TBC1D12: variants seen among roughly 807,000 people sequenced by gnomAD.
TBC1D12 encodes the protein TBC1 domain family, member 12.
TBC1D12 carries 56 observed loss-of-function variants against 86.7 expected under a neutral mutation model. The ratio of observed to expected loss-of-function variants is 0.65; its 90% CI spans 0.52 to 0.81. The LOEUF is 0.81. TBC1D12 is among the 30% of genes least tolerant of loss of function. The pLI, the probability that TBC1D12 is intolerant of heterozygous loss-of-function variation, is 0.00. For missense variants in TBC1D12, 1,023 were observed against 1,038.8 expected (o/e 0.98, Z 0.21); for synonymous variants, 421 against 411.7 (o/e 1.02, Z -0.27).
intron 3 of TBC1D12, among the ~76,000 whole-genome samples, chr10:94,484,596 A>C (rs1044384140): frequency 1.3e-5 from 2 of 152,134 alleles, no homozygotes; most frequent in African/African-American, 4.8e-5. Flanking sequence ...TTTTGGTTGC[A>C]TATAAATTTT....
intron 11 of TBC1D12, among the ~76,000 whole-genome samples, chr10:94,527,500 GT>G (rs34075470): frequency 0.28 from 40,972 of 148,428 alleles, 6,580 homozygotes; most frequent in African/African-American, 0.45. Flanking sequence ...ATTCTGTGGG[GT>G]TTTTTTTTTT....
At chr10:94,438,396 A>G (rs1323871855) in intron 1 of TBC1D12, among the ~76,000 whole-genome samples, 1 of 144,984 alleles carries the variant, frequency 6.9e-6, no homozygotes, top group African/African-American at 2.6e-5. Context: ...AGGAGATCAA[A>G]AAGGTTTTAC....
chr10:94,415,719 G>T (rs915649135), intron 1 of TBC1D12, among the ~76,000 whole-genome samples: 1 of 152,164 alleles, frequency 6.6e-6, no homozygotes, highest in Non-Finnish European at 1.5e-5. Context: ...GGGCACTCCA[G>T]CCTGGGCGAC....
intron 1 of TBC1D12, among the ~76,000 whole-genome samples, chr10:94,433,609 A>G (rs1412740290): frequency 6.6e-6 from 1 of 152,232 alleles, no homozygotes; most frequent in East Asian, 1.9e-4. Flanking sequence ...AGCTATAGAG[A>G]CATAAATACC....
intron 1 of TBC1D12, among the ~76,000 whole-genome samples, chr10:94,429,362 G>A (rs1371920291): frequency 6.6e-6 from 1 of 151,654 alleles, no homozygotes; most frequent in East Asian, 1.9e-4. Context: ...GAAAATTCTT[G>A]GAATTAAAAA....
At position 94,441,985 on chromosome 10, in the gene TBC1D12, A is replaced by AGAAT; in HGVS notation, c.1062_1065dup (p.Leu356GlufsTer14). 1 of 1,612,966 alleles carries AGAAT rather than the reference A, an allele frequency of 6.2e-7. No homozygotes were observed. Among genetic ancestry groups the AGAAT allele is most frequent in the Non-Finnish European group, 8.5e-7 (1 of 1,179,570 alleles). ...TTATTTGGTAAAGTCCCTCCTAGAG[A>AGAAT]GAATCTTCAGAAAACATCCAAAATC... On this transcript the variant is annotated frameshift_variant, in exon 2 of 13. Coordinates refer to ENST00000225235, the MANE Select transcript of TBC1D12 (RefSeq NM_015188.2). LOFTEE classifies it high-confidence loss of function.
chr10:94,408,654 CTG>C (rs1416837606), intron 1 of TBC1D12, among the ~76,000 whole-genome samples: 1 of 152,152 alleles, frequency 6.6e-6, no homozygotes, highest in Non-Finnish European at 1.5e-5. Context: ...ATCCATCTGA[CTG>C]AGCCATCATA....
intron 2 of TBC1D12, among the ~76,000 whole-genome samples, chr10:94,444,015 CA>C (rs1231612517): frequency 6.6e-6 from 1 of 151,800 alleles, no homozygotes. Flanking sequence ...ACCAAAAATA[CA>C]AAAAATTAGC....
rs1842480164 is a variant in TBC1D12 at position 94,533,501 on chromosome 10, A to G, written c.*405A>G. On this transcript the variant is annotated 3_prime_UTR_variant, in exon 13 of 13. Coordinates refer to ENST00000225235, the MANE Select transcript of TBC1D12 (RefSeq NM_015188.2). ...TACTACTGTTAACCTCCAAAGTACTATAGTACAGACATTGTTTCCAGTTCT... is the reference window on the plus strand; with the variant it reads ...TACTACTGTTAACCTCCAAAGTACTGTAGTACAGACATTGTTTCCAGTTCT... The G allele has an allele frequency of 1.2e-5, 2 of 162,690 alleles. No homozygotes were observed. Among genetic ancestry groups the G allele is most frequent in the Non-Finnish European group, 2.6e-5 (2 of 75,714 alleles). 10.1% of individuals were successfully genotyped at this position (162,690 alleles called of 1,614,324 possible).
At chr10:94,523,042 T>TAA (rs1303703992) in intron 11 of TBC1D12, among the ~76,000 whole-genome samples, 1 of 49,388 alleles carries the variant, frequency 2.0e-5, no homozygotes, top group Non-Finnish European at 3.8e-5. Flanking sequence ...AGACTCCAGC[T>TAA]CAAAAAAAAA....
At chr10:94,477,042 A>G (rs1245922658) in intron 3 of TBC1D12, among the ~76,000 whole-genome samples, 3 of 152,240 alleles carry the variant, frequency 2.0e-5, no homozygotes, top group Non-Finnish European at 4.4e-5. Context: ...GTACAATAAC[A>G]TTATGAAAAG....
In TBC1D12 at chr10:94,536,198, T is replaced by G. The variant is rs1842535184; in HGVS notation, c.*3102T>G. On this transcript the variant is annotated 3_prime_UTR_variant, in exon 13 of 13. Coordinates refer to ENST00000225235, the MANE Select transcript of TBC1D12 (RefSeq NM_015188.2). ...GTTGTTGTTACAGTATATTTTCAAT[T>G]AAAAAAAAACTTTTCCTAAAATACT... Among the ~76,000 whole-genome samples, 1 of 151,386 alleles carries G rather than the reference T, an allele frequency of 6.6e-6. No homozygotes were observed. The highest frequency in any genetic ancestry group is 1.5e-5 in the Non-Finnish European group (1 of 67,830).
At position 94,533,045 on chromosome 10, in the gene TBC1D12, G is replaced by T. The variant is rs1221598704; in HGVS notation, c.2277G>T (p.Met759Ile). Residue 759 changes from methionine (M) to isoleucine (I), a missense_variant, in exon 13 of 13, where the codon ATG becomes ATT. Around this residue, in one of 2 missense-constraint regions of TBC1D12, gnomAD observed 395 missense variants for 507.7 expected, o/e 0.78. Coordinates refer to ENST00000225235, the MANE Select transcript of TBC1D12 (RefSeq NM_015188.2). ...ATTTTCAGGTCTTTGCATCTGTAAT[G>T]AAGGATATTAAAGAAGGAGACAAGA... is the stretch of plus-strand genomic sequence containing the variant. ...KKWTQVFASVMKDIKEGDKNS... is the reference protein window; with the variant it reads ...KKWTQVFASVIKDIKEGDKNS... The T allele has an allele frequency of 3.8e-6, 6 of 1,587,174 alleles. No homozygotes were observed. The East Asian group carries it at 1.4e-4, about 36-fold the overall frequency.
chr10:94,474,599 G>T lies in TBC1D12; in HGVS notation c.1096-69G>T. 4 of 1,071,622 alleles carry T rather than the reference G, an allele frequency of 3.7e-6. No individual in the cohort carries two copies. In the South Asian group the frequency reaches 5.6e-5, roughly 15 times the overall value. 66.4% of individuals were successfully genotyped at this position (1,071,622 alleles called of 1,614,324 possible). A position where few individuals can be genotyped will look rare whatever the true frequency, so the allele number is the denominator to read the frequency against. ...CTCATTATAGCATAATATTTTTAAT[G>T]ATACAGATTTAATAGTACAAACTAT... On this transcript the variant is annotated intron_variant, in intron 2 of 12. Coordinates refer to ENST00000225235, the MANE Select transcript of TBC1D12 (RefSeq NM_015188.2).
chr10:94,436,605 G>A (rs751112267), intron 1 of TBC1D12, among the ~76,000 whole-genome samples: 5 of 151,712 alleles, frequency 3.3e-5, no homozygotes, highest in African/African-American at 7.3e-5. Context: ...TATTTAATGA[G>A]GTTTTCTTTA....
At chr10:94,442,617 T>C (rs1408007099) in intron 2 of TBC1D12, among the ~76,000 whole-genome samples, 2 of 152,216 alleles carry the variant, frequency 1.3e-5, no homozygotes, top group Non-Finnish European at 2.9e-5. Flanking sequence ...TTCTGAACTT[T>C]GGCTCTTCAG....
chr10:94,485,510 C>T (rs1212443533), intron 3 of TBC1D12, among the ~76,000 whole-genome samples: 2 of 147,406 alleles, frequency 1.4e-5, no homozygotes, highest in Non-Finnish European at 3.0e-5. Context: ...ATTTTTGCAT[C>T]CATGTTTCTC....
chr10:94,506,229 A>G (rs1412542438), intron 6 of TBC1D12, among the ~76,000 whole-genome samples: 3 of 151,814 alleles, frequency 2.0e-5, no homozygotes, highest in East Asian at 1.9e-4. Context: ...AGTAGAGACA[A>G]GGTTTCACCA....
Position 94,403,126 on chromosome 10 carries a change from C to T in TBC1D12, c.513C>T (p.Arg171=), listed in dbSNP as rs2054793977. The change falls in exon 1 of 13, where the codon CGC becomes CGT. Residue 171 remains arginine (R), a synonymous_variant. Coordinates refer to ENST00000225235, the MANE Select transcript of TBC1D12 (RefSeq NM_015188.2). The stretch of plus-strand genomic sequence containing the variant: ...CGCGCCGCCGCCGCCCCTACGGCCG[C>T]CTTCGCCTGGAGGGGCCTGGCGACG... ...RESRRRRPYG[R]LRLEGPGDED... 1 of 1,392,312 alleles carries T rather than the reference C, an allele frequency of 7.2e-7. No homozygotes were observed. Among genetic ancestry groups the T allele is most frequent in the East Asian group, 3.1e-5 (1 of 32,694 alleles). The allele number at this position is 1,392,312 out of a possible 1,614,324, so 86.2% of individuals were successfully genotyped here.
Sources: gnomAD v4.1 joint callset for allele counts (sites outside exome capture counted in the v4.1 genomes callset) on GRCh38, gnomAD v4.1.1 for gene constraint, gnomAD v4.1.1 regional missense constraint, MANE v1.5 for transcripts, NCBI Gene and HGNC (gene_info 2026-07-23, HGNC 2026-07-21) for gene names.